SFXN4: variants seen among roughly 807,000 people sequenced by gnomAD.
SFXN4 encodes the protein sideroflexin 4.
In SFXN4, 48 loss-of-function variants were observed where a neutral mutation model predicts 54.6. The ratio of observed to expected loss-of-function variants is 0.88; its 90% CI spans 0.70 to 1.12. The LOEUF (loss-of-function observed/expected upper bound fraction) is 1.12. SFXN4 is among the 50% of genes most tolerant of loss of function. SFXN4 has a pLI of 0.00. For synonymous variants in SFXN4, 130 were observed against 145.5 expected (o/e 0.89, Z 0.77); for missense variants, 383 against 409.2 (o/e 0.94, Z 0.55).
chr10:119,162,450 C>G, intron 2 of SFXN4, 36 bp from the exon 3 acceptor site: 1 of 1,549,512 alleles, frequency 6.5e-7, no homozygotes, highest in Non-Finnish European at 8.9e-7. Context: ...GTAATGATCT[C>G]AACATTGTTC....
In SFXN4 at chr10:119,164,194, G is replaced by T; in HGVS notation, c.114C>A (p.Ser38=). The part of the protein sequence containing the change: ...NVRFWITERQ[S]FIRRFLQWTE... The stretch of plus-strand genomic sequence containing the variant: ...TCCATTGAAGAAATCGTCGAATAAA[G>T]GACTTAGGAGGGAGAAAAGCAACAG... The change falls in exon 2 of 14, where the codon TCC becomes TCA. Residue 38 remains serine, a splice_region_variant and synonymous_variant. Coordinates refer to ENST00000355697, the MANE Select transcript of SFXN4 (RefSeq NM_213649.2). 6.3e-7 allele frequency: 1 copy of T among 1,577,514 alleles called. No individual in the cohort carries two copies. The highest frequency in any genetic ancestry group is 1.2e-5 in the South Asian group (1 of 86,594).
At chr10:119,141,462 C>T in intron 13 of SFXN4, 143 bp from the exon 14 acceptor site, 1 of 258,882 alleles carries the variant, frequency 3.9e-6, no homozygotes, top group Non-Finnish European at 6.6e-6. Context: ...AAAATGTAAC[C>T]TATTTTTTTT....
chr10:119,156,209 G>C (rs1485069165), intron 10 of SFXN4, among the ~76,000 whole-genome samples: 2 of 152,150 alleles, frequency 1.3e-5, no homozygotes, highest in African/African-American at 4.8e-5. Flanking sequence ...AATCACTTGA[G>C]GCCAGAAGTT....
Position 119,162,340 on chromosome 10 carries a change from C to A in SFXN4, c.252G>T (p.Arg84Ser), listed in dbSNP as rs750696100. The A allele has an allele frequency of 4.3e-6, 7 of 1,613,802 alleles. No homozygotes were observed. In the East Asian group the frequency reaches 1.3e-4, roughly 31 times the overall value. The change falls in exon 3 of 14, where the codon AGG becomes AGT. Residue 84 changes from arginine to serine, a missense_variant and splice_region_variant. Arg to Ser is a moderately radical substitution (Grantham distance 110). Transcript: ENST00000355697. ...DVSSPASADQ[R>S]IQEAWKRSLA... ...CCAGACCTGAGCACGTGAAACATAC[C>A]CTTTGGTCCGCCGAGGCAGGGCTGG...
intron 12 of SFXN4, among the ~76,000 whole-genome samples, chr10:119,146,576 GT>G (rs1439244581): frequency 7.2e-5 from 11 of 151,736 alleles, no homozygotes; most frequent in East Asian, 5.8e-4. Flanking sequence ...TTTGTTTTGT[GT>G]TTTTTTCTTT....
rs1847334486 is a variant in SFXN4, at chr10:119,157,862, A to G, written c.471+9T>C. On this transcript the variant is annotated intron_variant, in intron 8 of 13. Transcript: ENST00000355697. The stretch of plus-strand genomic sequence containing the variant: ...AAACCCCACACTCTCTGGGTCTCAT[A>G]ATACTCACGTAACTTCTGTTTCCAT... The G allele has an allele frequency of 1.9e-6, 3 of 1,614,016 alleles. No homozygotes were observed. The African/African-American group carries it at 4.0e-5, about 22-fold the overall frequency.
chr10:119,162,264 A>G, intron 3 of SFXN4, 76 bp downstream of exon 3: 3 of 1,216,124 alleles, frequency 2.5e-6, no homozygotes, highest in South Asian at 2.6e-5. Context: ...TTAATGGCCA[A>G]ATTCCACCTG....
intron 9 of SFXN4, 71 bp from the exon 10 acceptor site, chr10:119,156,827 G>A (rs1229877196): frequency 8.6e-7 from 1 of 1,168,876 alleles, no homozygotes; most frequent in Non-Finnish European, 1.2e-6. Flanking sequence ...CACTAGCAGA[G>A]AGGTCGCCCT....
At chr10:119,153,928 C>A (rs958781863) in intron 11 of SFXN4, among the ~76,000 whole-genome samples, 17 of 151,860 alleles carry the variant, frequency 1.1e-4, no homozygotes, top group Admixed American at 1.1e-3. Flanking sequence ...CTGTAATCCC[C>A]GTACGTTGGG....
chr10:119,153,634 G>C (rs1045895055), intron 11 of SFXN4, among the ~76,000 whole-genome samples: 1 of 152,206 alleles, frequency 6.6e-6, no homozygotes, highest in African/African-American at 2.4e-5. Flanking sequence ...ACTGACCTCT[G>C]TAAGTGCAGA....
intron 13 of SFXN4, among the ~76,000 whole-genome samples, chr10:119,143,239 C>T (rs1473138840): frequency 6.6e-6 from 1 of 152,168 alleles, no homozygotes; most frequent in Non-Finnish European, 1.5e-5. Flanking sequence ...TGCAGCCTCA[C>T]GTGCCCATTC....
chr10:119,148,690 T>C (rs1299532522), intron 11 of SFXN4, among the ~76,000 whole-genome samples: 4 of 152,184 alleles, frequency 2.6e-5, no homozygotes, highest in East Asian at 1.9e-4. Context: ...TACTATAAAA[T>C]TGTGTTATGT....
At chr10:119,164,039 T>TC in intron 2 of SFXN4, 92 bp downstream of exon 2, 1 of 541,510 alleles carries the variant, frequency 1.8e-6, no homozygotes, top group Non-Finnish European at 2.8e-6. Context: ...AAACTCCGTC[T>TC]CAAAAAAAAA....
rs143805954 is a variant in SFXN4, at chr10:119,141,037, C to T, written c.*205G>A. The T allele has an allele frequency of 3.8e-3, 1,795 of 468,754 alleles. 20 individuals are homozygous for T. Among genetic ancestry groups the T allele is most frequent in the African/African-American group, 0.032 (1,575 of 49,750 alleles). The allele number at this position is 468,754 out of a possible 1,614,324, so 29.0% of individuals were successfully genotyped here. A position where few individuals can be genotyped will look rare whatever the true frequency, so the allele number is the denominator to read the frequency against. The stretch of plus-strand genomic sequence containing the variant: ...GCAACCCCAGGGGTGTCAGACGGGG[C>T]ACCCTCCCACTGTCTTCTCCAGCCA... On this transcript the variant is annotated 3_prime_UTR_variant, in exon 14 of 14. Coordinates refer to ENST00000355697, the MANE Select transcript of SFXN4 (RefSeq NM_213649.2).
At chr10:119,164,273 T>TTC in intron 1 of SFXN4, 77 bp from the exon 2 acceptor site, 1 of 901,328 alleles carries the variant, frequency 1.1e-6, no homozygotes, top group East Asian at 2.6e-5. Context: ...GTTGGCTTTT[T>TTC]TTTTTTTTTT....
rs531545424 is a variant in SFXN4, at chr10:119,155,228, C to T, written c.617-51G>A. On this transcript the variant is annotated intron_variant, in intron 10 of 13. Transcript: ENST00000355697. The stretch of plus-strand genomic sequence containing the variant: ...ACCCAAGACGGGGGTGAGTCTTGTT[C>T]CAGCAAAGGAACATCTCTTTGGGTG... 2.4e-4 allele frequency: 302 copies of T among 1,280,218 alleles called. 4 individuals are homozygous for T. The South Asian group carries it at 3.3e-3, about 14-fold the overall frequency. The allele number at this position is 1,280,218 out of a possible 1,614,324, so 79.3% of individuals were successfully genotyped here.
rs554859235 is a variant in SFXN4, at chr10:119,151,229, C to T, written c.733-3369G>A. Among the ~76,000 whole-genome samples, 12 of 152,016 alleles carry T rather than the reference C, an allele frequency of 7.9e-5. No individual in the cohort carries two copies. In the East Asian group the frequency reaches 1.4e-3, roughly 17 times the overall value. On this transcript the variant is annotated intron_variant, in intron 11 of 13. Coordinates refer to ENST00000355697, the MANE Select transcript of SFXN4 (RefSeq NM_213649.2). ...CTAAAAATACAAAAAATTAGTTGGG[C>T]GCAGTGGCGCATACCTATAGTCCCA...
intron 11 of SFXN4, among the ~76,000 whole-genome samples, chr10:119,153,904 G>A (rs750502407): frequency 3.3e-5 from 5 of 152,134 alleles, no homozygotes; most frequent in Admixed American, 2.0e-4. Context: ...ACCACCAGGC[G>A]CGGTGGCTCA....
At chr10:119,151,239 C>T (rs1201278340) in intron 11 of SFXN4, among the ~76,000 whole-genome samples, 1 of 151,986 alleles carries the variant, frequency 6.6e-6, no homozygotes, top group Admixed American at 6.6e-5. Context: ...CGCAGTGGCG[C>T]ATACCTATAG....
Sources: allele counts gnomAD v4.1 joint callset (sites outside exome capture counted in the v4.1 genomes callset), GRCh38; gene constraint gnomAD v4.1.1; transcripts MANE v1.5; gene names NCBI Gene and HGNC (gene_info 2026-07-23, HGNC 2026-07-21).